Variants in CNTNAP4 observed in about 807,000 individuals in gnomAD.
CNTNAP4 encodes contactin associated protein family member 4, also known as contactin-associated protein-like 4.
CNTNAP4 carries 98 observed loss-of-function variants against 148.4 expected under a neutral mutation model. That is an observed-to-expected ratio of 0.66 (90% confidence interval 0.56 to 0.78). CNTNAP4 has a LOEUF of 0.78. Among genes scored for constraint, CNTNAP4 ranks in the 30% least tolerant of loss-of-function variants. The probability of loss-of-function intolerance (pLI) is 0.00; values close to 1 mark genes in which losing one functional copy is unlikely to be tolerated. For synonymous variants in CNTNAP4, 730 were observed against 565.1 expected, an observed-to-expected ratio of 1.29 and a Z score of -4.14; for missense variants, 1,935 against 1,565.6, an observed-to-expected ratio of 1.24 and a Z score of -3.98.
At chr16:76,395,648 A>T (rs1300364896) in intron 3 of CNTNAP4, among the ~76,000 whole-genome samples, 1 of 152,180 alleles carries the variant, frequency 6.6e-6, no homozygotes, top group East Asian at 1.9e-4. Context: ...ATCAATGTAT[A>T]TAAACACCAT....
chr16:76,515,801 T>TA (rs199613660), intron 15 of CNTNAP4, among the ~76,000 whole-genome samples: 36 of 149,658 alleles, frequency 2.4e-4, no homozygotes, highest in African/African-American at 3.2e-4. Flanking sequence ...GACTAAGATT[T>TA]AAAAAAAAAA....
intron 3 of CNTNAP4, among the ~76,000 whole-genome samples, chr16:76,388,172 T>C (rs188975321): frequency 2.0e-5 from 3 of 152,308 alleles, no homozygotes; most frequent in African/African-American, 7.2e-5. Context: ...CAGCATCTTG[T>C]GGTGTCAGAG....
chr16:76,453,154 C>G (rs2080582669), intron 8 of CNTNAP4, among the ~76,000 whole-genome samples: 3 of 152,136 alleles, frequency 2.0e-5, no homozygotes, highest in Non-Finnish European at 4.4e-5. Flanking sequence ...ACTTGTTAGT[C>G]TTATCTGGTC....
chr16:76,538,306 C>A lies in CNTNAP4; in HGVS notation c.3186C>A (p.Tyr1062Ter). The change falls in exon 19 of 24, where the codon TAC (tyrosine) becomes TAA (stop). Residue 1062 changes from tyrosine (Y) to a stop codon, truncating the protein, a stop_gained. Coordinates refer to ENST00000611870, the MANE Select transcript of CNTNAP4 (RefSeq NM_033401.5). LOFTEE classifies it high-confidence loss of function. ...TGCTGCTTTTTGTGAGCTCCTTTTA[C>A]AAAGAATACCTTTCTGTGATCATTG... ...PSLLLFVSSF[Y>*]KEYLSVIIAK... The A allele has an allele frequency of 6.2e-7, 1 of 1,604,894 alleles. No individual in the cohort carries two copies. Among genetic ancestry groups the A allele is most frequent in the African/African-American group, 1.3e-5 (1 of 74,404 alleles).
intron 11 of CNTNAP4, among the ~76,000 whole-genome samples, chr16:76,477,168 G>A (rs988672779): frequency 1.3e-5 from 2 of 152,086 alleles, no homozygotes; most frequent in Non-Finnish European, 2.9e-5. Flanking sequence ...ATCTTCTAGA[G>A]CCTGGGATAA....
chr16:76,553,456 C>G lies in CNTNAP4; in HGVS notation c.3616C>G (p.Pro1206Ala). 6.2e-7 allele frequency: 1 copy of G among 1,612,474 alleles called. No homozygotes were observed. Among genetic ancestry groups the G allele is most frequent in the Non-Finnish European group, 8.5e-7 (1 of 1,179,294 alleles). The change falls in exon 22 of 24, where the codon CCT (proline) becomes GCT (alanine). Residue 1206 changes from proline to alanine, a missense_variant. Physicochemically the swap from Pro to Ala is conservative, Grantham distance 27. Coordinates refer to ENST00000611870, the MANE Select transcript of CNTNAP4 (RefSeq NM_033401.5). ...GACTGAGTCCAGCTGTATGGCCCAGCCTGGCACTGATGCCACATCAAGGGA... is the reference window on the plus strand; with the variant it reads ...GACTGAGTCCAGCTGTATGGCCCAGGCTGGCACTGATGCCACATCAAGGGA... ...HVTESSCMAQ[P>A]GTDATSRERT...
intron 2 of CNTNAP4, among the ~76,000 whole-genome samples, 180 bp from the exon 3 acceptor site, chr16:76,355,138 G>T (rs2012406052): frequency 6.6e-6 from 1 of 152,098 alleles, no homozygotes; most frequent in Non-Finnish European, 1.5e-5. Flanking sequence ...AATTAACATA[G>T]ACATCATATA....
chr16:76,304,258 C>T (rs1351742991), intron 1 of CNTNAP4, among the ~76,000 whole-genome samples: 2 of 152,098 alleles, frequency 1.3e-5, no homozygotes, highest in African/African-American at 2.4e-5. Flanking sequence ...ACAGAGGAGG[C>T]TTCAAGAGCT....
At chr16:76,500,640 G>T (rs2082600263) in intron 15 of CNTNAP4, among the ~76,000 whole-genome samples, 1 of 139,508 alleles carries the variant, frequency 7.2e-6, no homozygotes, top group African/African-American at 2.5e-5. Context: ...GTGTGTGTGT[G>T]TGTCTGTGTG....
chr16:76,401,325 T>C (rs2078408005), intron 3 of CNTNAP4, among the ~76,000 whole-genome samples: 1 of 152,158 alleles, frequency 6.6e-6, no homozygotes. Context: ...GCGTTTCTGA[T>C]TTGGCTCTTG....
chr16:76,412,677 C>T, intron 3 of CNTNAP4, among the ~76,000 whole-genome samples: 1 of 146,270 alleles, frequency 6.8e-6, no homozygotes, highest in Non-Finnish European at 1.5e-5. Context: ...ATACTTTTTT[C>T]TCTTTTTTTC....
chr16:76,333,847 T>C (rs1272548261), intron 2 of CNTNAP4, among the ~76,000 whole-genome samples: 1 of 136,356 alleles, frequency 7.3e-6, no homozygotes, highest in Admixed American at 8.4e-5. Flanking sequence ...TCTTCCACAA[T>C]GGTTGAACTA....
chr16:76,323,342 A>C (rs1005455699), intron 2 of CNTNAP4, among the ~76,000 whole-genome samples: 1 of 151,686 alleles, frequency 6.6e-6, no homozygotes, highest in African/African-American at 2.4e-5. Context: ...TGTGAAGTTT[A>C]AAAAAAACTT....
intron 4 of CNTNAP4, among the ~76,000 whole-genome samples, chr16:76,442,071 C>A (rs2080065525): frequency 6.6e-6 from 1 of 152,072 alleles, no homozygotes; most frequent in East Asian, 1.9e-4. Flanking sequence ...ACTTAGGGAT[C>A]TTACAATGGG....
At chr16:76,315,873 G>A (rs1260430549) in intron 1 of CNTNAP4, among the ~76,000 whole-genome samples, 2 of 152,066 alleles carry the variant, frequency 1.3e-5, no homozygotes, top group Non-Finnish European at 2.9e-5. Flanking sequence ...GGGACCACAG[G>A]TGTGAGCCAC....
At chr16:76,549,091 A>G (rs895870842) in intron 21 of CNTNAP4, among the ~76,000 whole-genome samples, 19 of 152,196 alleles carry the variant, frequency 1.2e-4, no homozygotes, top group Admixed American at 6.5e-4. Context: ...GGAGGGAACC[A>G]GTGAGGAGGC....
intron 3 of CNTNAP4, among the ~76,000 whole-genome samples, chr16:76,400,878 G>T (rs369533840): frequency 5.1e-4 from 78 of 152,142 alleles, no homozygotes; most frequent in African/African-American, 1.9e-3. Flanking sequence ...TGGGTACTCT[G>T]TTCTGTTCCA....
rs141659181 is a variant in CNTNAP4, at chr16:76,325,310, T to C, written c.196+8787T>C. Among the ~76,000 whole-genome samples, 577 of 152,320 alleles carry C rather than the reference T, an allele frequency of 3.8e-3. 2 individuals carry two copies. Among genetic ancestry groups the C allele is most frequent in the African/African-American group, 0.013 (540 of 41,566 alleles). On this transcript the variant is annotated intron_variant, in intron 2 of 23. Transcript: ENST00000611870. Reference sequence around the variant, plus strand: ...GTGTGTAATGTATATTTATATACTCTGTGTAGTTATTTATATACTCTGTGT... The same window carrying C: ...GTGTGTAATGTATATTTATATACTCCGTGTAGTTATTTATATACTCTGTGT...
chr16:76,480,982 C>A (rs569364647), intron 12 of CNTNAP4, among the ~76,000 whole-genome samples: 3 of 152,156 alleles, frequency 2.0e-5, no homozygotes, highest in African/African-American at 7.2e-5. Flanking sequence ...TTCAGCTCTA[C>A]TGGATATAGG....
Sources: gnomAD v4.1 joint callset for allele counts (sites outside exome capture counted in the v4.1 genomes callset) on GRCh38, gnomAD v4.1.1 for gene constraint, MANE v1.5 for transcripts, NCBI Gene and HGNC (gene_info 2026-07-23, HGNC 2026-07-21) for gene names.